SAP130: variants seen among roughly 807,000 people sequenced by gnomAD.
The protein encoded by SAP130 is histone deacetylase complex subunit SAP130.
SAP130 carries 16 observed loss-of-function variants against 103.2 expected under a neutral mutation model. That is an observed-to-expected ratio of 0.16 (90% CI 0.10 to 0.24). The LOEUF (loss-of-function observed/expected upper bound fraction) is 0.24. Ranked by LOEUF, SAP130 falls within the 10% of genes least tolerant of loss-of-function variation. The pLI is 1.00. For synonymous variants in SAP130, 477 were observed against 497.0 expected, an observed-to-expected ratio of 0.96 and a Z score of 0.53; for missense variants, 990 against 1,359.7, an observed-to-expected ratio of 0.73 and a Z score of 4.28.
chr2:127,962,620 T>A (rs1680336726), intron 15 of SAP130, among the ~76,000 whole-genome samples: 1 of 148,238 alleles, frequency 6.7e-6, no homozygotes, highest in African/African-American at 2.5e-5. Context: ...CAGCAAACTG[T>A]CACAAGGACA....
At chr2:128,016,631 G>A (rs1022288374) in intron 3 of SAP130, 84 bp from the exon 4 acceptor site, 8 of 1,442,684 alleles carry the variant, frequency 5.5e-6, no homozygotes, top group African/African-American at 4.3e-5. Context: ...TGCACAAATC[G>A]AACCTGGAAA....
chr2:128,012,972 G>C, intron 6 of SAP130, 58 bp downstream of exon 6: 1 of 1,520,856 alleles, frequency 6.6e-7, no homozygotes, highest in Non-Finnish European at 8.9e-7. Context: ...TGTGCCTAGT[G>C]CCTGGCAGAA....
intron 12 of SAP130, among the ~76,000 whole-genome samples, chr2:127,991,968 CTTTT>C (rs940027421): frequency 2.0e-5 from 3 of 152,074 alleles, no homozygotes; most frequent in South Asian, 2.1e-4. Context: ...ATAACACTTT[CTTTT>C]GTCTTTTTTG....
chr2:128,002,356 C>A (rs1683623396), intron 7 of SAP130, among the ~76,000 whole-genome samples: 1 of 151,964 alleles, frequency 6.6e-6, no homozygotes, highest in African/African-American at 2.4e-5. Context: ...ATGGTAAAAC[C>A]CCATCTCTAC....
At chr2:127,950,089 T>C (rs1679387896) in intron 17 of SAP130, 71 bp downstream of exon 17, 7 of 1,609,040 alleles carry the variant, frequency 4.4e-6, no homozygotes, top group Middle Eastern at 1.7e-4. Flanking sequence ...GCTGACTATG[T>C]AACGAGCCTC....
intron 15 of SAP130, among the ~76,000 whole-genome samples, chr2:127,958,833 A>AT (rs1680033749): frequency 6.6e-6 from 1 of 151,998 alleles, no homozygotes; most frequent in Non-Finnish European, 1.5e-5. Flanking sequence ...TAAGTTTTGT[A>AT]TTTTTTGTAA....
Position 128,008,689 on chromosome 2 carries a change from G to GT in SAP130, c.869+1579dup, listed in dbSNP as rs140235857. ...CCTAGCCTAAATCCTTTTCCTGTTTGTTTTTTTTTTGGTGGAGATGGGGTC... is the reference window on the plus strand; with the variant it reads ...CCTAGCCTAAATCCTTTTCCTGTTTGTTTTTTTTTTTGGTGGAGATGGGGTC... On this transcript the variant is annotated intron_variant, in intron 7 of 20. Transcript: ENST00000643581. 7.4e-3 allele frequency among the ~76,000 whole-genome samples: 1,068 copies of GT among 144,774 alleles called. 10 individuals carry two copies. The highest frequency in any genetic ancestry group is 0.017 in the African/African-American group (666 of 39,244). The allele number at this position is 144,774 out of a possible 152,430, so 95.0% of individuals were successfully genotyped here.
chr2:127,992,359 C>A (rs556855459), intron 12 of SAP130, among the ~76,000 whole-genome samples: 54 of 151,766 alleles, frequency 3.6e-4, no homozygotes, highest in Non-Finnish European at 7.4e-4. Context: ...TGGCTCACTG[C>A]AGCCTCCGCC....
At chr2:127,954,453 A>G (rs1679694121) in intron 16 of SAP130, among the ~76,000 whole-genome samples, 1 of 152,148 alleles carries the variant, frequency 6.6e-6, no homozygotes, top group Admixed American at 6.5e-5. Context: ...TTAAAAAAAA[A>G]AAAGAAAGAA....
chr2:127,979,845 T>C (rs1681735927), intron 14 of SAP130, among the ~76,000 whole-genome samples: 1 of 151,930 alleles, frequency 6.6e-6, no homozygotes, highest in African/African-American at 2.4e-5. Flanking sequence ...TAAAGTTGGG[T>C]GACAGGCATA....
intron 15 of SAP130, among the ~76,000 whole-genome samples, chr2:127,961,605 T>C (rs896075153): frequency 6.6e-6 from 1 of 150,552 alleles, no homozygotes; most frequent in African/African-American, 2.4e-5. Flanking sequence ...TGGAGTAGAG[T>C]ATAAAGACCA....
At chr2:127,944,130 CAA>C (rs1678899715) in intron 19 of SAP130, among the ~76,000 whole-genome samples, 1 of 152,044 alleles carries the variant, frequency 6.6e-6, no homozygotes, top group Non-Finnish European at 1.5e-5. Context: ...CTTCCGGGCT[CAA>C]GAGTTCCTCC....
intron 14 of SAP130, among the ~76,000 whole-genome samples, chr2:127,984,411 C>T (rs758821501): frequency 7.9e-5 from 12 of 152,236 alleles, no homozygotes; most frequent in Non-Finnish European, 1.5e-4. Context: ...CGTTAGAGGT[C>T]CCCTCAGATA....
At position 127,944,586 on chromosome 2, in the gene SAP130, C is replaced by T. The variant is rs146917609; in HGVS notation, c.2901+870G>A. 8.3e-3 allele frequency among the ~76,000 whole-genome samples: 1,257 copies of T among 152,134 alleles called. 7 individuals carry two copies. Among genetic ancestry groups the T allele is most frequent in the Non-Finnish European group, 0.015 (987 of 67,998 alleles). Reference sequence around the variant, plus strand: ...CTGGCATTACAGGCGCCTGCCACCACGCCCAGCTTATTTTTGTATTTTTAG... The same window carrying T: ...CTGGCATTACAGGCGCCTGCCACCATGCCCAGCTTATTTTTGTATTTTTAG... On this transcript the variant is annotated intron_variant, in intron 19 of 20. Coordinates refer to ENST00000643581, the MANE Select transcript of SAP130 (RefSeq NM_001330301.2).
intron 7 of SAP130, among the ~76,000 whole-genome samples, chr2:128,006,990 A>G (rs912294189): frequency 1.3e-5 from 2 of 152,250 alleles, no homozygotes; most frequent in Non-Finnish European, 2.9e-5. Context: ...CACTACTTGT[A>G]GTATATTGCT....
chr2:128,024,283 A>G (rs756689820), intron 2 of SAP130, among the ~76,000 whole-genome samples: 27 of 152,048 alleles, frequency 1.8e-4, no homozygotes, highest in Non-Finnish European at 3.7e-4. Context: ...GTTTGAGACA[A>G]GCCTGGTCAA....
intron 10 of SAP130, among the ~76,000 whole-genome samples, 181 bp downstream of exon 10, chr2:127,999,560 C>T (rs1302122379): frequency 6.7e-6 from 1 of 149,898 alleles, no homozygotes; most frequent in African/African-American, 2.5e-5. Context: ...GTCGAGATCA[C>T]GTCACTGCAC....
chr2:127,944,696 G>A (rs541408173), intron 19 of SAP130, among the ~76,000 whole-genome samples: 1 of 152,176 alleles, frequency 6.6e-6, no homozygotes, highest in East Asian at 1.9e-4. Flanking sequence ...AAAGTGCTGG[G>A]ATTACAGATG....
At chr2:128,017,412 G>A (rs925651036) in intron 3 of SAP130, among the ~76,000 whole-genome samples, 1 of 152,058 alleles carries the variant, frequency 6.6e-6, no homozygotes, top group African/African-American at 2.4e-5. Context: ...CTTCAAGATT[G>A]TATCTAACTT....
Sources: allele counts gnomAD v4.1 joint callset (sites outside exome capture counted in the v4.1 genomes callset), GRCh38; gene constraint gnomAD v4.1.1; transcripts MANE v1.5; gene names NCBI Gene and HGNC (gene_info 2026-07-23, HGNC 2026-07-21).